The following TENM2 variants were observed in gnomAD, a reference collection of about 807,000 sequenced individuals.
TENM2 encodes the protein teneurin transmembrane protein 2, also known as teneurin-2.
Under a neutral mutation model 245.2 loss-of-function variants are expected in TENM2, and 52 were observed. The observed-to-expected ratio is 0.21, with a 90% CI of 0.17 to 0.27. The LOEUF is 0.27. TENM2 is among the 10% of genes least tolerant of loss of function. The probability of loss-of-function intolerance (pLI) is 1.00; values close to 1 mark genes in which losing one functional copy is unlikely to be tolerated. For missense variants in TENM2, 3,046 were observed against 3,666.8 expected (o/e 0.83, Z 4.37); for synonymous variants, 1,363 against 1,438.9 (o/e 0.95, Z 1.19).
At chr5:168,243,088 T>A (rs1415048011) in intron 25 of TENM2, among the ~76,000 whole-genome samples, 1 of 152,248 alleles carries the variant, frequency 6.6e-6, no homozygotes, top group East Asian at 1.9e-4. Flanking sequence ...TCCTTTCGCC[T>A]ATTTACATCA....
At chr5:168,257,219 T>C (rs1423056449) in intron 27 of TENM2, among the ~76,000 whole-genome samples, 5 of 150,036 alleles carry the variant, frequency 3.3e-5, no homozygotes, top group African/African-American at 1.2e-4. Flanking sequence ...TAGAAGAATG[T>C]GACTGTTGTT....
chr5:167,300,073 C>T (rs906286671), intron 1 of TENM2, among the ~76,000 whole-genome samples: 2 of 152,150 alleles, frequency 1.3e-5, no homozygotes, highest in African/African-American at 2.4e-5. Flanking sequence ...GAAAGGCTAT[C>T]GGGTGCGGTC....
At chr5:167,334,847 C>T (rs571827564) in intron 1 of TENM2, among the ~76,000 whole-genome samples, 3 of 152,268 alleles carry the variant, frequency 2.0e-5, no homozygotes, top group Admixed American at 6.5e-5. Context: ...CTTTTGAAAT[C>T]AGAATTTATG....
At chr5:167,606,297 A>G (rs1331440752) in intron 2 of TENM2, among the ~76,000 whole-genome samples, 3 of 152,172 alleles carry the variant, frequency 2.0e-5, no homozygotes, top group Non-Finnish European at 4.4e-5. Context: ...CTGGAGCCTG[A>G]AAGTCTGAGA....
At chr5:167,326,043 G>A (rs1757055243) in intron 1 of TENM2, among the ~76,000 whole-genome samples, 1 of 152,108 alleles carries the variant, frequency 6.6e-6, no homozygotes. Flanking sequence ...CATGAAGTGG[G>A]GGAAGAAGCT....
At chr5:167,387,235 T>C (rs1342886573) in intron 2 of TENM2, among the ~76,000 whole-genome samples, 1 of 149,340 alleles carries the variant, frequency 6.7e-6, no homozygotes, top group Non-Finnish European at 1.5e-5. Flanking sequence ...CTTGGTTAGG[T>C]ATAATCCTAA....
chr5:167,897,328 G>A (rs186574867), intron 3 of TENM2, among the ~76,000 whole-genome samples: 305 of 150,270 alleles, frequency 2.0e-3, no homozygotes, highest in Non-Finnish European at 3.5e-3. Flanking sequence ...TCAGAGACTT[G>A]TCCTTCTCTT....
At chr5:167,865,539 G>T (rs1216499267) in intron 2 of TENM2, among the ~76,000 whole-genome samples, 2 of 152,158 alleles carry the variant, frequency 1.3e-5, no homozygotes, top group Non-Finnish European at 2.9e-5. Flanking sequence ...CTCCCAAAGT[G>T]CTGGGATTAC....
chr5:168,054,824 A>G (rs532355473), intron 6 of TENM2, among the ~76,000 whole-genome samples: 5 of 152,354 alleles, frequency 3.3e-5, no homozygotes, highest in African/African-American at 1.2e-4. Flanking sequence ...GAGTTGGACT[A>G]TCCTGTAAAA....
At chr5:167,639,733 A>T (rs113987302) in intron 2 of TENM2, among the ~76,000 whole-genome samples, 9 of 142,030 alleles carry the variant, frequency 6.3e-5, no homozygotes, top group South Asian at 6.2e-4. Context: ...TTATTGTTTT[A>T]AAAAAAACCC....
intron 2 of TENM2, among the ~76,000 whole-genome samples, chr5:167,666,955 C>T (rs1755618637): frequency 1.3e-5 from 2 of 152,180 alleles, no homozygotes; most frequent in African/African-American, 2.4e-5. Context: ...GGATATGGCA[C>T]TTCTCAGCAA....
intron 2 of TENM2, among the ~76,000 whole-genome samples, chr5:167,498,039 A>C (rs1341520777): frequency 2.0e-5 from 3 of 152,132 alleles, no homozygotes; most frequent in Admixed American, 6.6e-5. Flanking sequence ...GGACTGACCA[A>C]AGAGTATGAG....
the TENM2 span, among the ~76,000 whole-genome samples, chr5:166,983,262 A>G: frequency 6.6e-6 from 1 of 152,130 alleles, no homozygotes; most frequent in African/African-American, 2.4e-5. Flanking sequence ...TATATTGTAT[A>G]CTACAGTATG....
At chr5:167,340,270 ACTTCTG>A (rs1446597526) in intron 1 of TENM2, among the ~76,000 whole-genome samples, 1 of 152,180 alleles carries the variant, frequency 6.6e-6, no homozygotes, top group Non-Finnish European at 1.5e-5. Flanking sequence ...TTCCAAAGTC[ACTTCTG>A]TGTGTTTAGT....
At chr5:167,812,815 A>G (rs1006211567) in intron 2 of TENM2, among the ~76,000 whole-genome samples, 1 of 152,182 alleles carries the variant, frequency 6.6e-6, no homozygotes, top group Non-Finnish European at 1.5e-5. Flanking sequence ...AGCAAATGAG[A>G]AAGGCAGTGA....
intron 6 of TENM2, among the ~76,000 whole-genome samples, chr5:168,050,315 A>G (rs938796880): frequency 1.3e-5 from 2 of 152,218 alleles, no homozygotes; most frequent in Non-Finnish European, 2.9e-5. Flanking sequence ...TTCTTTTATC[A>G]AAAGTGACCT....
chr5:167,170,354 A>G, the TENM2 span, among the ~76,000 whole-genome samples: 1 of 152,228 alleles, frequency 6.6e-6, no homozygotes, highest in Non-Finnish European at 1.5e-5. Context: ...ACTTCTGCAT[A>G]AATACTAGCT....
intron 3 of TENM2, among the ~76,000 whole-genome samples, chr5:167,901,488 G>T (rs950719033): frequency 2.6e-5 from 4 of 152,116 alleles, no homozygotes; most frequent in African/African-American, 9.7e-5. Context: ...TCTAGAGTTT[G>T]GGTTCTGAAG....
At chr5:167,034,685 G>T in the TENM2 span, among the ~76,000 whole-genome samples, 1 of 150,700 alleles carries the variant, frequency 6.6e-6, no homozygotes, top group Non-Finnish European at 1.5e-5. Flanking sequence ...AGGAAAATTG[G>T]TGTGAATTGT....
Sources: gnomAD v4.1 joint callset for allele counts (sites outside exome capture counted in the v4.1 genomes callset) on GRCh38, gnomAD v4.1.1 for gene constraint, MANE v1.5 for transcripts, NCBI Gene and HGNC (gene_info 2026-07-23, HGNC 2026-07-21) for gene names.